The following UBE3D variants were observed in gnomAD, a reference collection of about 807,000 sequenced individuals.
UBE3D encodes the protein E3 ubiquitin-protein ligase E3D.
UBE3D carries 48 observed loss-of-function variants against 49.6 expected under a neutral mutation model. That is an observed-to-expected ratio of 0.97 (90% CI 0.77 to 1.23). UBE3D has a LOEUF of 1.23. UBE3D is among the 50% of genes most tolerant of loss of function. The probability of loss-of-function intolerance (pLI) is 0.00; values close to 1 mark genes in which losing one functional copy is unlikely to be tolerated. For missense variants in UBE3D, 452 were observed against 468.4 expected (o/e 0.96, Z 0.32); for synonymous variants, 189 against 174.2 (o/e 1.08, Z -0.67).
At chr6:82,948,876 C>CA (rs35273820) in intron 9 of UBE3D, among the ~76,000 whole-genome samples, 19 of 151,182 alleles carry the variant, frequency 1.3e-4, no homozygotes, top group South Asian at 4.2e-4. Context: ...TACCTCAACA[C>CA]AAAAAAAAGC....
chr6:82,984,426 A>G (rs1401458532), intron 8 of UBE3D, among the ~76,000 whole-genome samples: 1 of 152,170 alleles, frequency 6.6e-6, no homozygotes, highest in East Asian at 1.9e-4. Context: ...ATTCCTAGAA[A>G]TGGAATTGCT....
At chr6:82,889,454 C>G (rs535306797), downstream of UBE3D, among the ~76,000 whole-genome samples, 1 of 152,248 alleles carries the variant, frequency 6.6e-6, no homozygotes, top group South Asian at 2.1e-4. Flanking sequence ...TTGCTAATAT[C>G]GGTGGATCCT....
At chr6:82,966,077 T>G (rs993798133) in intron 8 of UBE3D, among the ~76,000 whole-genome samples, 1 of 152,248 alleles carries the variant, frequency 6.6e-6, no homozygotes, top group African/African-American at 2.4e-5. Flanking sequence ...TCATTATTTT[T>G]TTTTACAGTT....
intron 8 of UBE3D, among the ~76,000 whole-genome samples, chr6:82,983,162 T>G (rs958035140): frequency 7.9e-5 from 12 of 151,904 alleles, no homozygotes; most frequent in African/African-American, 1.9e-4. Context: ...AAAGTTTTTT[T>G]TTTTTTTTTT....
intron 3 of UBE3D, among the ~76,000 whole-genome samples, chr6:83,047,139 TA>T (rs1783113909): frequency 1.3e-5 from 2 of 152,214 alleles, no homozygotes; most frequent in Non-Finnish European, 2.9e-5. Context: ...ACACTGGAAT[TA>T]AGGGGTTAAA....
chr6:82,966,437 TCAGGAGATCGAGA>T (rs1163401734), intron 8 of UBE3D, among the ~76,000 whole-genome samples: 1 of 72,724 alleles, frequency 1.4e-5, no homozygotes, highest in Non-Finnish European at 2.8e-5. Flanking sequence ...GATCACGAGG[TCAGGAGATCGAGA>T]CCATCCCGGC....
intron 8 of UBE3D, among the ~76,000 whole-genome samples, chr6:83,003,299 T>C (rs1360437075): frequency 6.6e-6 from 1 of 152,142 alleles, no homozygotes; most frequent in Non-Finnish European, 1.5e-5. Flanking sequence ...ACTTGTCTCA[T>C]ATTTTTTCAT....
intron 9 of UBE3D, among the ~76,000 whole-genome samples, chr6:82,936,898 A>G (rs186340261): frequency 6.6e-6 from 1 of 152,318 alleles, no homozygotes; most frequent in African/African-American, 2.4e-5. Context: ...AGTTAGAATC[A>G]GTTTAGCGCA....
At chr6:82,974,982 AT>A (rs908189095) in intron 8 of UBE3D, among the ~76,000 whole-genome samples, 17 of 152,172 alleles carry the variant, frequency 1.1e-4, no homozygotes, top group Non-Finnish European at 1.0e-4. Context: ...AAAAATGCTT[AT>A]TTTTTTATTT....
At chr6:83,016,653 A>G (rs1240959662) in intron 8 of UBE3D, among the ~76,000 whole-genome samples, 6 of 151,240 alleles carry the variant, frequency 4.0e-5, no homozygotes, top group Admixed American at 4.0e-4. Flanking sequence ...ATCTTCATAT[A>G]TATAAAGCCA....
intron 9 of UBE3D, among the ~76,000 whole-genome samples, chr6:82,921,355 G>A (rs1773322055): frequency 6.6e-6 from 1 of 152,162 alleles, no homozygotes; most frequent in Non-Finnish European, 1.5e-5. Context: ...AGCCAGGGCT[G>A]AAAACAGAAT....
chr6:83,032,230 G>C, intron 5 of UBE3D: 1 of 456,150 alleles, frequency 2.2e-6, no homozygotes, highest in Non-Finnish European at 4.4e-6. Flanking sequence ...AAGAAGCTGG[G>C]TGGGGCCGTA....
intron 8 of UBE3D, among the ~76,000 whole-genome samples, chr6:82,965,078 CT>C (rs1297136641): frequency 1.3e-5 from 2 of 152,184 alleles, no homozygotes; most frequent in Admixed American, 6.5e-5. Flanking sequence ...GCCTTTCAAA[CT>C]TTGCCCATAT....
Position 83,024,034 on chromosome 6 carries a change from G to T in UBE3D, c.672C>A (p.Thr224=). Residue 224 remains threonine (T), a synonymous_variant, in exon 6 of 10, where the codon ACC becomes ACA. Transcript: ENST00000369747. The part of the protein sequence containing the change: ...VMLGETVSSE[T]TKFYMTEIII... ...TTATCTCTGTCATATAAAACTTGGT[G>T]GTTTCTAGAAACAAAAAAGAAAATT... 1 of 1,515,446 alleles carries T rather than the reference G, an allele frequency of 6.6e-7. No individual in the cohort carries two copies. The highest frequency in any genetic ancestry group is 1.4e-5 in the South Asian group (1 of 72,866). The allele number at this position is 1,515,446 out of a possible 1,614,324, so 93.9% of individuals were successfully genotyped here. A position where few individuals can be genotyped will look rare whatever the true frequency, so the allele number is the denominator to read the frequency against.
At chr6:82,997,791 T>C (rs571679135) in intron 8 of UBE3D, among the ~76,000 whole-genome samples, 5 of 152,206 alleles carry the variant, frequency 3.3e-5, no homozygotes, top group South Asian at 2.1e-4. Flanking sequence ...TATAAATATA[T>C]GTATATGCGT....
chr6:83,012,730 A>G (rs951795544), intron 8 of UBE3D, among the ~76,000 whole-genome samples: 41 of 152,286 alleles, frequency 2.7e-4, no homozygotes, highest in African/African-American at 9.1e-4. Context: ...ATGTCTGACC[A>G]TGTCAAACCA....
chr6:83,034,314 A>G (rs1485012264), intron 5 of UBE3D, among the ~76,000 whole-genome samples: 3 of 152,206 alleles, frequency 2.0e-5, no homozygotes, highest in African/African-American at 7.2e-5. Context: ...TTCAGTGTTT[A>G]CATTATTATT....
At chr6:82,908,502 C>T (rs1401474507) in intron 9 of UBE3D, among the ~76,000 whole-genome samples, 1 of 152,062 alleles carries the variant, frequency 6.6e-6, no homozygotes, top group Non-Finnish European at 1.5e-5. Flanking sequence ...ATCCTTGTAA[C>T]CAAAAACCAC....
intron 8 of UBE3D, among the ~76,000 whole-genome samples, chr6:83,012,971 C>G (rs1048734709): frequency 5.9e-5 from 9 of 152,184 alleles, no homozygotes; most frequent in African/African-American, 2.2e-4. Flanking sequence ...CCTCTGTCAA[C>G]TGATCATAGG....
Sources: gnomAD v4.1 joint callset for allele counts (sites outside exome capture counted in the v4.1 genomes callset) on GRCh38, gnomAD v4.1.1 for gene constraint, MANE v1.5 for transcripts, NCBI Gene and HGNC (gene_info 2026-07-23, HGNC 2026-07-21) for gene names.